The following C5orf15 variants were observed in gnomAD, a reference collection of about 807,000 sequenced individuals.
C5orf15 encodes keratinocyte-associated transmembrane protein 2.
In C5orf15, 10 loss-of-function variants were observed where a neutral mutation model predicts 17.8. The observed-to-expected ratio is 0.56, with a 90% CI of 0.35 to 0.95. C5orf15 has a LOEUF of 0.95. Among genes scored for constraint, C5orf15 ranks in the 40% least tolerant of loss-of-function variants. The pLI, the probability that C5orf15 is intolerant of heterozygous loss-of-function variation, is 0.02. For synonymous variants in C5orf15, 124 were observed against 131.0 expected (o/e 0.95, Z 0.36); for missense variants, 319 against 331.7 (o/e 0.96, Z 0.30).
intron 2 of C5orf15, among the ~76,000 whole-genome samples, chr5:133,957,587 T>C (rs1320380469): frequency 2.0e-5 from 3 of 152,214 alleles, no homozygotes; most frequent in African/African-American, 7.2e-5. Flanking sequence ...AACAGTGGGA[T>C]ATAATATCAG....
chr5:133,962,511 T>C lies in C5orf15; in HGVS notation c.140-2491A>G, dbSNP rs1025139421. Among the ~76,000 whole-genome samples, 2 of 152,238 alleles carry C rather than the reference T, an allele frequency of 1.3e-5. 1 individual carries two copies. The highest frequency in any genetic ancestry group is 4.1e-4 in the South Asian group (2 of 4,832). On this transcript the variant is annotated intron_variant, in intron 1 of 2. Transcript: ENST00000231512. ...TCTCTTATCTTAAGCTATAATGCAC[T>C]AACTTACTTTCATCCAACTCCAAAG...
At chr5:133,963,935 A>C (rs188338536) in intron 1 of C5orf15, among the ~76,000 whole-genome samples, 26 of 152,310 alleles carry the variant, frequency 1.7e-4, no homozygotes, top group African/African-American at 5.5e-4. Context: ...AAAGGAACAA[A>C]CAACCAGGAC....
intron 1 of C5orf15, among the ~76,000 whole-genome samples, chr5:133,967,209 A>G (rs1019829991): frequency 6.6e-6 from 1 of 152,252 alleles, no homozygotes; most frequent in Non-Finnish European, 1.5e-5. Context: ...ATTACATTTC[A>G]CTAATGATAA....
In C5orf15 at chr5:133,966,107, CA is replaced by C. The variant is rs1433853285; in HGVS notation, c.139+2338del. Among the ~76,000 whole-genome samples the C allele has an allele frequency of 1.1e-4, 16 of 151,656 alleles. No individual in the cohort carries two copies. In the Middle Eastern group the frequency reaches 0.017, roughly 162 times the overall value. ...GTGTGGTGCGCGCCTGTAGTCCCAG[CA>C]TACTCGGGAGGCTGAGGCAGAAGAA... On this transcript the variant is annotated intron_variant, in intron 1 of 2. Coordinates refer to ENST00000231512, the MANE Select transcript of C5orf15 (RefSeq NM_020199.3).
intron 1 of C5orf15, among the ~76,000 whole-genome samples, chr5:133,967,777 T>C (rs544215457): frequency 6.6e-6 from 1 of 152,268 alleles, no homozygotes; most frequent in African/African-American, 2.4e-5. Flanking sequence ...CCCAGTACTC[T>C]GAATCTTTAT....
chr5:133,961,271 C>T (rs1752119471), intron 1 of C5orf15, among the ~76,000 whole-genome samples: 1 of 140,898 alleles, frequency 7.1e-6, no homozygotes, highest in Admixed American at 7.3e-5. Flanking sequence ...AAAGGCCAGG[C>T]CCTGTGGCTC....
intron 1 of C5orf15, among the ~76,000 whole-genome samples, chr5:133,967,825 G>A (rs761475180): frequency 2.0e-5 from 3 of 151,912 alleles, no homozygotes; most frequent in Non-Finnish European, 4.4e-5. Flanking sequence ...ATATGCACCA[G>A]TACCCTAAGA....
chr5:133,964,798 T>C (rs1452578705), intron 1 of C5orf15, among the ~76,000 whole-genome samples: 1 of 152,206 alleles, frequency 6.6e-6, no homozygotes, highest in Non-Finnish European at 1.5e-5. Flanking sequence ...TTCTGACATA[T>C]GCAGCATTTG....
intron 1 of C5orf15, among the ~76,000 whole-genome samples, chr5:133,962,793 A>G (rs1353004705): frequency 6.6e-6 from 1 of 152,156 alleles, no homozygotes; most frequent in East Asian, 1.9e-4. Context: ...CTCAATCCAT[A>G]AACACCTACA....
intron 1 of C5orf15, 150 bp downstream of exon 1, chr5:133,968,296 C>T (rs1237525520): frequency 1.5e-5 from 16 of 1,053,482 alleles, no homozygotes; most frequent in Non-Finnish European, 2.1e-5. Context: ...CCATACCCTC[C>T]GTCCTCAGGC....
In C5orf15 at chr5:133,956,188, T is replaced by A. The variant is rs1442565212; in HGVS notation, c.*671A>T. 1 of 152,636 alleles carries A rather than the reference T, an allele frequency of 6.6e-6. No individual in the cohort carries two copies. The highest frequency in any genetic ancestry group is 2.4e-5 in the African/African-American group (1 of 41,450). The allele number at this position is 152,636 out of a possible 1,614,324, so 9.5% of individuals were successfully genotyped here. On this transcript the variant is annotated 3_prime_UTR_variant, in exon 3 of 3. Coordinates refer to ENST00000231512, the MANE Select transcript of C5orf15 (RefSeq NM_020199.3). ...ATTTAACATTTTACCAGTTTCTGCTTCTAAATTTAATATAGTAATTCCAAC... is the reference window on the plus strand; with the variant it reads ...ATTTAACATTTTACCAGTTTCTGCTACTAAATTTAATATAGTAATTCCAAC...
chr5:133,968,449 T>C lies in C5orf15; in HGVS notation c.136A>G (p.Ser46Gly). The C allele has an allele frequency of 6.2e-7, 1 of 1,604,610 alleles. No individual in the cohort carries two copies. Among genetic ancestry groups the C allele is most frequent in the Non-Finnish European group, 8.5e-7 (1 of 1,176,076 alleles). Residue 46 changes from serine (S) to glycine (G), a missense_variant, in exon 1 of 3, where the codon AGT becomes GGT. Coordinates refer to ENST00000231512, the MANE Select transcript of C5orf15 (RefSeq NM_020199.3). ...CCACACTGCCGCCCCCCTTTACCAC[T>C]GGATAGAGCGGCGGACACAAGCAGG... ...ALLLVSAALS[S>G]VVSRTDSPSP...
chr5:133,965,574 T>C (rs1026673722), intron 1 of C5orf15, among the ~76,000 whole-genome samples: 5 of 152,178 alleles, frequency 3.3e-5, no homozygotes, highest in African/African-American at 1.2e-4. Context: ...AAATAAGACT[T>C]CTAAATCTTC....
chr5:133,960,160 C>T, intron 1 of C5orf15, 140 bp from the exon 2 acceptor site: 1 of 650,138 alleles, frequency 1.5e-6, no homozygotes, highest in Non-Finnish European at 2.6e-6. Flanking sequence ...TATTAAGTCT[C>T]AATAGCCAGC....
intron 2 of C5orf15, among the ~76,000 whole-genome samples, chr5:133,958,393 A>G (rs575343954): frequency 1.1e-4 from 16 of 152,114 alleles, no homozygotes; most frequent in Middle Eastern, 3.4e-3. Flanking sequence ...CCTGGCCAAC[A>G]TGGCAAAACC....
Position 133,955,764 on chromosome 5 carries a change from C to T in C5orf15, c.*1095G>A, listed in dbSNP as rs948489453. On this transcript the variant is annotated 3_prime_UTR_variant, in exon 3 of 3. Transcript: ENST00000231512. ...TATTAGGGCTATGTTTTCTAAAAAG[C>T]TGTAGTGACACTTGTAAGTCAACCA... The T allele has an allele frequency of 6.6e-6, 1 of 152,630 alleles. No homozygotes were observed. Among genetic ancestry groups the T allele is most frequent in the Non-Finnish European group, 1.5e-5 (1 of 68,028 alleles). The allele number at this position is 152,630 out of a possible 1,614,324, so 9.5% of individuals were successfully genotyped here.
Position 133,960,981 on chromosome 5 carries a change from A to G in C5orf15, c.140-961T>C, listed in dbSNP as rs1580698639. Reference sequence around the variant, plus strand: ...GTCATGTAGATCTAAACATATTCAGACAATATTTTAAAGTCTATCACATTA... The same window carrying G: ...GTCATGTAGATCTAAACATATTCAGGCAATATTTTAAAGTCTATCACATTA... On this transcript the variant is annotated intron_variant, in intron 1 of 2. Coordinates refer to ENST00000231512, the MANE Select transcript of C5orf15 (RefSeq NM_020199.3). 2.0e-5 allele frequency among the ~76,000 whole-genome samples: 3 copies of G among 152,058 alleles called. No homozygotes were observed. In the East Asian group the frequency reaches 5.8e-4, roughly 29 times the overall value.
At chr5:133,964,813 C>T (rs1169311357) in intron 1 of C5orf15, among the ~76,000 whole-genome samples, 1 of 152,134 alleles carries the variant, frequency 6.6e-6, no homozygotes, top group Non-Finnish European at 1.5e-5. Context: ...CATTTGAGGG[C>T]TTTTCACCCT....
chr5:133,965,295 C>A (rs1198954870), intron 1 of C5orf15, among the ~76,000 whole-genome samples: 1 of 152,204 alleles, frequency 6.6e-6, no homozygotes, highest in Non-Finnish European at 1.5e-5. Context: ...AGGATACCCC[C>A]AGTATCACCC....
Sources: gnomAD v4.1 joint callset for allele counts (sites outside exome capture counted in the v4.1 genomes callset) on GRCh38, gnomAD v4.1.1 for gene constraint, MANE v1.5 for transcripts, NCBI Gene and HGNC (gene_info 2026-07-23, HGNC 2026-07-21) for gene names.